DEFB119: variants seen among roughly 807,000 people sequenced by gnomAD.
DEFB119 encodes the protein beta-defensin 119.
Under a neutral mutation model 2.5 loss-of-function variants are expected in DEFB119, and 3 were observed. The observed-to-expected ratio is 1.19, with a 90% CI of 0.54 to 3.07. DEFB119 has a LOEUF of 3.07. Ranked by LOEUF, DEFB119 falls within the 30% of genes most tolerant of loss-of-function variation. DEFB119 has a pLI of 0.03. For missense variants in DEFB119, 113 were observed against 101.1 expected, an observed-to-expected ratio of 1.12 and a Z score of -0.50; for synonymous variants, 29 against 33.7, an observed-to-expected ratio of 0.86 and a Z score of 0.48.
chr20:31,382,746 C>T (rs1017780130), intron 1 of DEFB119, among the ~76,000 whole-genome samples: 1 of 152,208 alleles, frequency 6.6e-6, no homozygotes, highest in Admixed American at 6.5e-5. Context: ...TCAAGAAACA[C>T]TCACTAAATC....
chr20:31,389,189 C>A (rs1986829504), intron 1 of DEFB119: 7 of 1,614,176 alleles, frequency 4.3e-6, no homozygotes, highest in Non-Finnish European at 5.9e-6. Flanking sequence ...TCTTCACCAT[C>A]TTTGCACAAC....
chr20:31,382,180 G>C (rs1986528235), intron 1 of DEFB119, among the ~76,000 whole-genome samples: 1 of 152,132 alleles, frequency 6.6e-6, no homozygotes, highest in East Asian at 1.9e-4. Context: ...GAGAAATCTG[G>C]GTGAAGAGTA....
chr20:31,386,266 G>A (rs1352813586), intron 1 of DEFB119, among the ~76,000 whole-genome samples: 2 of 152,118 alleles, frequency 1.3e-5, no homozygotes, highest in African/African-American at 2.4e-5. Flanking sequence ...GACCAGTGAG[G>A]AACCATTTTT....
intron 1 of DEFB119, chr20:31,378,218 C>G (rs1986373042): frequency 7.2e-7 from 1 of 1,395,396 alleles, no homozygotes; most frequent in Non-Finnish European, 1.0e-6. Flanking sequence ...AGAGTCAAGA[C>G]TTTCACCACC....
chr20:31,388,368 G>A, intron 1 of DEFB119: 2 of 942,498 alleles, frequency 2.1e-6, no homozygotes, highest in Non-Finnish European at 2.5e-6. Flanking sequence ...TCCTGAAATA[G>A]ATTCTACAAT....
intron 1 of DEFB119, among the ~76,000 whole-genome samples, chr20:31,381,170 A>C (rs1327886182): frequency 6.6e-6 from 1 of 152,148 alleles, no homozygotes. Context: ...ATTTTCTTGG[A>C]GTGACTTTGA....
At chr20:31,384,038 C>T (rs948805930) in intron 1 of DEFB119, among the ~76,000 whole-genome samples, 1 of 152,078 alleles carries the variant, frequency 6.6e-6, no homozygotes. Context: ...TCATAAATTA[C>T]CCAGTCTTGG....
rs555155416 is a variant in DEFB119, at chr20:31,388,148, G to T, written c.61+2275C>A. ...CCAGATTCTCTAGATTCCCAAACAG[G>T]ATTCTTAAATGTTCCCCATGAGTGA... On this transcript the variant is annotated intron_variant, in intron 1 of 1. Transcript: ENST00000376321. 14 of 985,056 alleles carry T rather than the reference G, an allele frequency of 1.4e-5. No homozygotes were observed. The African/African-American group carries it at 1.9e-4, about 14-fold the overall frequency. The allele number at this position is 985,056 out of a possible 1,614,324, so 61.0% of individuals were successfully genotyped here.
At chr20:31,377,598 T>C (rs1568727412) in intron 1 of DEFB119, among the ~76,000 whole-genome samples, 159 bp from the exon 2 acceptor site, 1 of 152,178 alleles carries the variant, frequency 6.6e-6, no homozygotes, top group African/African-American at 2.4e-5. Flanking sequence ...AATGTCTTTT[T>C]CTCTATTTGT....
chr20:31,389,283 G>A (rs1419812103), intron 1 of DEFB119: 1 of 1,609,972 alleles, frequency 6.2e-7, no homozygotes, highest in South Asian at 1.1e-5. Context: ...CTCAAGCGGA[G>A]AGAAAAGACA....
chr20:31,385,284 C>T (rs1322204823), intron 1 of DEFB119, among the ~76,000 whole-genome samples: 1 of 151,316 alleles, frequency 6.6e-6, no homozygotes, highest in Non-Finnish European at 1.5e-5. Flanking sequence ...CATAGAATGC[C>T]CATATCAAGT....
At chr20:31,385,986 T>A (rs1040697599) in intron 1 of DEFB119, among the ~76,000 whole-genome samples, 3 of 151,566 alleles carry the variant, frequency 2.0e-5, no homozygotes, top group African/African-American at 7.3e-5. Context: ...GTGAGCTGAG[T>A]GTTGGGGACC....
chr20:31,381,326 T>C (rs1338184242), intron 1 of DEFB119, among the ~76,000 whole-genome samples: 3 of 152,260 alleles, frequency 2.0e-5, no homozygotes, highest in African/African-American at 7.2e-5. Context: ...CTTTTTGTTT[T>C]GTTTTGTTTG....
In DEFB119 at chr20:31,377,405, A is replaced by G. The variant is rs749785591; in HGVS notation, c.96T>C (p.Ser32=). Residue 32 remains serine (S), a synonymous_variant, in exon 2 of 2, where the codon AGT becomes AGC. Coordinates refer to ENST00000376321, the MANE Select transcript of DEFB119 (RefSeq NM_153289.4). ...TTTTGCAAGAGGCCCTACAAATTCC[A>G]CTGTTACCCATGCATCGAAGGATGT... ...KRHILRCMGN[S]GICRASCKKN... 11 of 1,609,380 alleles carry G rather than the reference A, an allele frequency of 6.8e-6. No homozygotes were observed. The African/African-American group carries it at 1.5e-4, about 23-fold the overall frequency.
intron 1 of DEFB119, among the ~76,000 whole-genome samples, chr20:31,379,318 A>G (rs1600505956): frequency 6.6e-6 from 1 of 152,184 alleles, no homozygotes; most frequent in Admixed American, 6.5e-5. Context: ...ACTATTTTTA[A>G]TTTTAGCTGC....
At chr20:31,387,044 T>A (rs1306724727) in intron 1 of DEFB119, among the ~76,000 whole-genome samples, 1 of 152,130 alleles carries the variant, frequency 6.6e-6, no homozygotes, top group African/African-American at 2.4e-5. Flanking sequence ...GACCTCGTGG[T>A]GATCCACCTG....
chr20:31,388,609 C>G (rs1303407703), intron 1 of DEFB119, among the ~76,000 whole-genome samples: 2 of 152,190 alleles, frequency 1.3e-5, no homozygotes, highest in Non-Finnish European at 2.9e-5. Flanking sequence ...CACTAGAAAG[C>G]ATCAGCTGGT....
intron 1 of DEFB119, among the ~76,000 whole-genome samples, chr20:31,383,262 G>A (rs1237977505): frequency 6.6e-6 from 1 of 152,138 alleles, no homozygotes; most frequent in Non-Finnish European, 1.5e-5. Flanking sequence ...CATGAGATCT[G>A]TCCAGGCGCG....
At chr20:31,388,872 G>C in intron 1 of DEFB119, 1 of 1,382,488 alleles carries the variant, frequency 7.2e-7, no homozygotes, top group Non-Finnish European at 9.8e-7. Flanking sequence ...CCCAGCCCTA[G>C]TGACTTCTCT....
Sources: gnomAD v4.1 joint callset for allele counts (sites outside exome capture counted in the v4.1 genomes callset) on GRCh38, gnomAD v4.1.1 for gene constraint, MANE v1.5 for transcripts, NCBI Gene and HGNC (gene_info 2026-07-23, HGNC 2026-07-21) for gene names.